GOLM2: variants seen among roughly 807,000 people sequenced by gnomAD.
GOLM2 encodes golgi membrane protein 2.
GOLM2 carries 26 observed loss-of-function variants against 55.9 expected under a neutral mutation model. The observed-to-expected ratio is 0.47, with a 90% CI of 0.34 to 0.65. The LOEUF (loss-of-function observed/expected upper bound fraction) is 0.65, where lower values mean the gene tolerates loss of function less well. Ranked by LOEUF, GOLM2 falls within the 30% of genes least tolerant of loss-of-function variation. The pLI is 0.01. For synonymous variants in GOLM2, 165 were observed against 194.6 expected, an observed-to-expected ratio of 0.85 and a Z score of 1.27; for missense variants, 486 against 531.8, an observed-to-expected ratio of 0.91 and a Z score of 0.85.
chr15:44,362,086 C>G (rs2079244579), intron 6 of GOLM2, among the ~76,000 whole-genome samples: 1 of 151,346 alleles, frequency 6.6e-6, no homozygotes. Flanking sequence ...CAGCCAATAT[C>G]ATACTGAATG....
chr15:44,337,282 G>A (rs1265188306), intron 4 of GOLM2, among the ~76,000 whole-genome samples: 1 of 151,990 alleles, frequency 6.6e-6, no homozygotes, highest in Non-Finnish European at 1.5e-5. Context: ...GCTGTGTTTC[G>A]GTGGCCAGCA....
At chr15:44,375,867 T>C (rs2079361144) in intron 6 of GOLM2, among the ~76,000 whole-genome samples, 1 of 152,234 alleles carries the variant, frequency 6.6e-6, no homozygotes, top group African/African-American at 2.4e-5. Flanking sequence ...GTTCATTAAA[T>C]TTGTTATATC....
intron 1 of GOLM2, among the ~76,000 whole-genome samples, chr15:44,302,247 C>T (rs570369011): frequency 1.3e-5 from 2 of 150,352 alleles, no homozygotes; most frequent in Admixed American, 6.7e-5. Flanking sequence ...TGGGTTCAAG[C>T]GATTCTCCTG....
intron 6 of GOLM2, among the ~76,000 whole-genome samples, chr15:44,340,986 T>A (rs1433033048): frequency 6.6e-6 from 1 of 152,160 alleles, no homozygotes; most frequent in Admixed American, 6.5e-5. Flanking sequence ...CTGCATACAT[T>A]AATTTTTCAT....
intron 6 of GOLM2, among the ~76,000 whole-genome samples, chr15:44,354,533 T>A (rs1421605045): frequency 2.0e-5 from 3 of 151,876 alleles, no homozygotes; most frequent in Non-Finnish European, 4.4e-5. Context: ...AAACAGATTT[T>A]AAAAAATATT....
At chr15:44,363,379 C>A (rs982744770) in intron 6 of GOLM2, among the ~76,000 whole-genome samples, 1 of 152,136 alleles carries the variant, frequency 6.6e-6, no homozygotes, top group Non-Finnish European at 1.5e-5. Flanking sequence ...AAAAAGTGGG[C>A]GAAGGACATG....
intron 6 of GOLM2, chr15:44,355,401 A>G (rs570357019): frequency 3.3e-4 from 56 of 169,030 alleles, no homozygotes; most frequent in African/African-American, 1.2e-3. Context: ...CCTACCACCA[A>G]TGTGTCAGTT....
At chr15:44,383,472 C>A (rs1401064697) in intron 8 of GOLM2, among the ~76,000 whole-genome samples, 2 of 151,778 alleles carry the variant, frequency 1.3e-5, no homozygotes, top group African/African-American at 4.8e-5. Context: ...TGATTTTTAT[C>A]GTTTTTATAA....
intron 1 of GOLM2, among the ~76,000 whole-genome samples, chr15:44,303,846 G>T (rs951223047): frequency 1.3e-5 from 2 of 148,914 alleles, no homozygotes; most frequent in Non-Finnish European, 3.0e-5. Context: ...AGCAATTCTC[G>T]TGCCTTAGCC....
intron 1 of GOLM2, among the ~76,000 whole-genome samples, chr15:44,319,504 G>A (rs578089306): frequency 6.6e-6 from 1 of 152,144 alleles, no homozygotes; most frequent in East Asian, 1.9e-4. Flanking sequence ...ATAGGCATGA[G>A]CCACCACGCC....
intron 6 of GOLM2, among the ~76,000 whole-genome samples, chr15:44,375,794 T>C (rs2079360731): frequency 6.6e-6 from 1 of 151,930 alleles, no homozygotes; most frequent in Non-Finnish European, 1.5e-5. Flanking sequence ...ATTAAAAAAA[T>C]GAATGCTTAT....
At chr15:44,382,912 GACT>G (rs2079413798) in intron 8 of GOLM2, among the ~76,000 whole-genome samples, 1 of 133,078 alleles carries the variant, frequency 7.5e-6, no homozygotes, top group South Asian at 2.3e-4. Flanking sequence ...AACAGAGCGA[GACT>G]CTGTCAAAAA....
chr15:44,327,272 C>A (rs1179759018), intron 2 of GOLM2, among the ~76,000 whole-genome samples: 3 of 149,856 alleles, frequency 2.0e-5, no homozygotes, highest in Non-Finnish European at 4.4e-5. Flanking sequence ...TTTTTAAAAA[C>A]AGCCAGGCAT....
chr15:44,347,874 A>G (rs1195001501), intron 6 of GOLM2, among the ~76,000 whole-genome samples: 1 of 152,216 alleles, frequency 6.6e-6, no homozygotes, highest in South Asian at 2.1e-4. Flanking sequence ...CAGCTCAGCC[A>G]CAGGCATCTA....
At chr15:44,318,553 A>C (rs1480592115) in intron 1 of GOLM2, among the ~76,000 whole-genome samples, 1 of 152,160 alleles carries the variant, frequency 6.6e-6, no homozygotes. Context: ...TACTAAAAAT[A>C]CAAAAATTAG....
chr15:44,298,265 C>CT lies in GOLM2; in HGVS notation c.327+8924dup, dbSNP rs1244084019. Among the ~76,000 whole-genome samples, 942 of 134,384 alleles carry CT rather than the reference C, an allele frequency of 7.0e-3. 3 individuals are homozygous for CT. The highest frequency in any genetic ancestry group is 0.016 in the African/African-American group (598 of 36,758). The allele number at this position is 134,384 out of a possible 152,430, so 88.2% of individuals were successfully genotyped here. Reference sequence around the variant, plus strand: ...ATATGCTTTTCCTTCTTTTCTTTTTCTTTTTTTTTTTTTTTGAGATGGAGT... The same window carrying CT: ...ATATGCTTTTCCTTCTTTTCTTTTTCTTTTTTTTTTTTTTTTGAGATGGAGT... On this transcript the variant is annotated intron_variant, in intron 1 of 9. Coordinates refer to ENST00000299957, the MANE Select transcript of GOLM2 (RefSeq NM_138423.4).
intron 6 of GOLM2, among the ~76,000 whole-genome samples, chr15:44,352,335 A>C (rs1408066318): frequency 6.6e-6 from 1 of 152,192 alleles, no homozygotes; most frequent in African/African-American, 2.4e-5. Flanking sequence ...CAGTCTCTTC[A>C]TTAGATGGTG....
chr15:44,300,789 T>A lies in GOLM2; in HGVS notation c.327+11433T>A, dbSNP rs541067711. Among the ~76,000 whole-genome samples the A allele has an allele frequency of 5.3e-5, 8 of 152,316 alleles. No homozygotes were observed. In the South Asian group the frequency reaches 1.7e-3, roughly 32 times the overall value. Reference sequence around the variant, plus strand: ...GTTTCCTTGAATTCAAAGTCCAGGCTTTTTTCTAGGGACAGACTGGGCATG... The same window carrying A: ...GTTTCCTTGAATTCAAAGTCCAGGCATTTTTCTAGGGACAGACTGGGCATG... On this transcript the variant is annotated intron_variant, in intron 1 of 9. Coordinates refer to ENST00000299957, the MANE Select transcript of GOLM2 (RefSeq NM_138423.4).
chr15:44,351,816 T>A (rs986835854), intron 6 of GOLM2, among the ~76,000 whole-genome samples: 10 of 151,878 alleles, frequency 6.6e-5, no homozygotes, highest in African/African-American at 2.4e-4. Flanking sequence ...AGGAACATAA[T>A]CCCATTTACA....
Sources: gnomAD v4.1 joint callset for allele counts (sites outside exome capture counted in the v4.1 genomes callset) on GRCh38, gnomAD v4.1.1 for gene constraint, MANE v1.5 for transcripts, NCBI Gene and HGNC (gene_info 2026-07-23, HGNC 2026-07-21) for gene names.